Variants in ODAPH observed in about 807,000 individuals in gnomAD.
The protein encoded by ODAPH is amelogenesis imperfecta type IIA4.
In ODAPH, 2 loss-of-function variants were observed where a neutral mutation model predicts 2.8. That is an observed-to-expected ratio of 0.72 (90% confidence interval 0.30 to 2.28). The LOEUF (loss-of-function observed/expected upper bound fraction) is 2.28, where lower values mean the gene tolerates loss of function less well. Among genes scored for constraint, ODAPH ranks in the 30% most tolerant of loss-of-function variants. The pLI, the probability that ODAPH is intolerant of heterozygous loss-of-function variation, is 0.13. For synonymous variants in ODAPH, 75 were observed against 60.3 expected (o/e 1.24, Z -1.13); for missense variants, 159 against 163.3 (o/e 0.97, Z 0.14).
At chr4:75,563,629 AG>A (rs1727685074) in intron 1 of ODAPH, among the ~76,000 whole-genome samples, 1 of 152,144 alleles carries the variant, frequency 6.6e-6, no homozygotes, top group Non-Finnish European at 1.5e-5. Flanking sequence ...ACTATAGATT[AG>A]TTTTGCTTGT....
Position 75,564,199 on chromosome 4 carries a change from A to T in ODAPH, c.153A>T (p.Pro51=). 1 of 1,613,980 alleles carries T rather than the reference A, an allele frequency of 6.2e-7. No individual in the cohort carries two copies. Among genetic ancestry groups the T allele is most frequent in the South Asian group, 1.1e-5 (1 of 91,068 alleles). ...GCCAGATCTTTACACTCACCCCTCCACCTGCCCCGAGGAGTCCGGTCACAA... is the reference window on the plus strand; with the variant it reads ...GCCAGATCTTTACACTCACCCCTCCTCCTGCCCCGAGGAGTCCGGTCACAA... The part of the protein sequence containing the change: ...TDCQIFTLTP[P]PAPRSPVTRA... The change falls in exon 2 of 2, where the codon CCA becomes CCT. Residue 51 remains proline (P), a synonymous_variant. Transcript: ENST00000311623.
intron 1 of ODAPH, chr4:75,563,095 G>A (rs1405796162): frequency 1.6e-5 from 2 of 125,024 alleles, no homozygotes; most frequent in Admixed American, 1.1e-4. Flanking sequence ...CACGATCTTC[G>A]GCTCACTGCA....
At chr4:75,563,038 T>TTTTTG (rs1727651022) in intron 1 of ODAPH, among the ~76,000 whole-genome samples, 1 of 82,418 alleles carries the variant, frequency 1.2e-5, no homozygotes, top group Non-Finnish European at 2.3e-5. Context: ...TTTTTTTTTT[T>TTTTTG]TTTTGAGACA....
At chr4:75,562,192 CAG>C (rs1235202486) in intron 1 of ODAPH, among the ~76,000 whole-genome samples, 2 of 152,140 alleles carry the variant, frequency 1.3e-5, no homozygotes, top group Admixed American at 6.6e-5. Flanking sequence ...GTCGATGAAA[CAG>C]AATATATGTA....
At chr4:75,557,086 AC>A (rs1399595946) in intron 1 of ODAPH, among the ~76,000 whole-genome samples, 1 of 151,752 alleles carries the variant, frequency 6.6e-6, no homozygotes, top group Non-Finnish European at 1.5e-5. Flanking sequence ...ACACTCAGAA[AC>A]CCCCTGATCC....
chr4:75,561,912 G>C (rs1727592321), intron 1 of ODAPH, among the ~76,000 whole-genome samples: 1 of 152,120 alleles, frequency 6.6e-6, no homozygotes, highest in Non-Finnish European at 1.5e-5. Context: ...ACAAGGCTCT[G>C]GTCTCTTCCT....
At chr4:75,563,891 A>G (rs1256022259) in intron 1 of ODAPH, among the ~76,000 whole-genome samples, 1 of 152,220 alleles carries the variant, frequency 6.6e-6, no homozygotes, top group Non-Finnish European at 1.5e-5. Context: ...GTCTTTTTAT[A>G]GACATAATCA....
chr4:75,564,404 A>C lies in ODAPH; in HGVS notation c.358A>C (p.Arg120=). 1 of 1,614,218 alleles carries C rather than the reference A, an allele frequency of 6.2e-7. No homozygotes were observed. Among genetic ancestry groups the C allele is most frequent in the Non-Finnish European group, 8.5e-7 (1 of 1,180,024 alleles). The stretch of plus-strand genomic sequence containing the variant: ...TACTTATAGGTATTTCCCCAGAAGA[A>C]GACTCCAGAGAGGAAGCTCATCTGA... ...YLTYRYFPRR[R]LQRGSSSEES is the part of the protein sequence containing the mutation. The change falls in exon 2 of 2, where the codon AGA becomes CGA. Residue 120 remains arginine, a synonymous_variant. Transcript: ENST00000311623.
downstream of ODAPH, chr4:75,565,447 G>C (rs767462570): frequency 1.3e-5 from 2 of 151,936 alleles, no homozygotes; most frequent in African/African-American, 2.4e-5. Flanking sequence ...AACTTTTAAC[G>C]TAATTCCAGG....
intron 1 of ODAPH, among the ~76,000 whole-genome samples, chr4:75,557,963 CATA>C (rs1348035470): frequency 6.6e-6 from 1 of 152,226 alleles, no homozygotes; most frequent in Non-Finnish European, 1.5e-5. Flanking sequence ...TTTGTTAAGA[CATA>C]ATAATTTTAA....
chr4:75,564,023 C>T, intron 1 of ODAPH, 91 bp from the exon 2 acceptor site: 1 of 1,126,282 alleles, frequency 8.9e-7, no homozygotes, highest in East Asian at 2.3e-5. Context: ...CTAATTCTCT[C>T]TTCCCATCTT....
At chr4:75,561,830 G>A (rs776720706) in intron 1 of ODAPH, among the ~76,000 whole-genome samples, 2 of 152,136 alleles carry the variant, frequency 1.3e-5, no homozygotes, top group Non-Finnish European at 2.9e-5. Flanking sequence ...CTGGGGAACA[G>A]ATGGAGACTC....
At chr4:75,565,759 A>T (rs1727789613), downstream of ODAPH, 1 of 152,052 alleles carries the variant, frequency 6.6e-6, no homozygotes, top group Non-Finnish European at 1.5e-5. Flanking sequence ...CTACAAAAAC[A>T]GAAAAAAAAA....
At position 75,556,100 on chromosome 4, in the gene ODAPH, C is replaced by T. The variant is rs750090058; in HGVS notation, c.18C>T (p.Cys6=). The change falls in exon 1 of 2, where the codon TGC becomes TGT. Residue 6 remains cysteine, a synonymous_variant. Transcript: ENST00000311623. ...TAGAAGCCATGGCTCGCAGACACTG[C>T]TTCTCCTACTGGTTACTGGTATGCT... MARRH[C]FSYWLLVCWL... is the part of the protein sequence containing the mutation. 3.7e-6 allele frequency: 6 copies of T among 1,614,068 alleles called. No homozygotes were observed. The highest frequency in any genetic ancestry group is 2.7e-5 in the African/African-American group (2 of 74,924).
chr4:75,556,181 C>T (rs190387598), intron 1 of ODAPH, 32 bp downstream of exon 1: 2 of 1,596,908 alleles, frequency 1.3e-6, no homozygotes, highest in Admixed American at 1.7e-5. Flanking sequence ...TACTGTGGGT[C>T]CACTAATTAA....
intron 1 of ODAPH, among the ~76,000 whole-genome samples, chr4:75,560,683 A>G (rs1727526122): frequency 6.6e-6 from 1 of 152,240 alleles, no homozygotes; most frequent in African/African-American, 2.4e-5. Context: ...AATTCCCAGA[A>G]AAAGAGAGCA....
chr4:75,559,517 G>A (rs1034544674), intron 1 of ODAPH, among the ~76,000 whole-genome samples: 3 of 152,198 alleles, frequency 2.0e-5, no homozygotes, highest in South Asian at 2.1e-4. Flanking sequence ...TGAAATGGCA[G>A]AGCTCAGGAA....
At chr4:75,557,882 C>T (rs1727404613) in intron 1 of ODAPH, among the ~76,000 whole-genome samples, 1 of 152,206 alleles carries the variant, frequency 6.6e-6, no homozygotes, top group African/African-American at 2.4e-5. Flanking sequence ...CTTGCTTTCA[C>T]CTCTGTTTGT....
At position 75,564,146 on chromosome 4, in the gene ODAPH, T is replaced by G; in HGVS notation, c.100T>G (p.Ser34Ala). The G allele has an allele frequency of 6.2e-7, 1 of 1,614,172 alleles. No homozygotes were observed. Among genetic ancestry groups the G allele is most frequent in the Non-Finnish European group, 8.5e-7 (1 of 1,180,042 alleles). Residue 34 changes from serine to alanine, a missense_variant, in exon 2 of 2, where the codon TCA (serine) becomes GCA (alanine). Transcript: ENST00000311623. ...AGAGGTATTTACGCCTCCTGGAGATTCACAAAATAATGCGGACGCTACCGA... is the reference window on the plus strand; with the variant it reads ...AGAGGTATTTACGCCTCCTGGAGATGCACAAAATAATGCGGACGCTACCGA... ...QEEVFTPPGD[S>A]QNNADATDCQ...
Sources: allele counts gnomAD v4.1 joint callset (sites outside exome capture counted in the v4.1 genomes callset), GRCh38; gene constraint gnomAD v4.1.1; transcripts MANE v1.5; gene names NCBI Gene and HGNC (gene_info 2026-07-23, HGNC 2026-07-21).